KLF12: variants seen among roughly 807,000 people sequenced by gnomAD.
KLF12 encodes Krueppel-like factor 12.
In KLF12, 9 loss-of-function variants were observed where a neutral mutation model predicts 37.8. The ratio of observed to expected loss-of-function variants is 0.24; its 90% confidence interval spans 0.14 to 0.42. KLF12 has a LOEUF of 0.42. Among genes scored for constraint, KLF12 ranks in the 10% least tolerant of loss-of-function variants. The probability of loss-of-function intolerance (pLI) is 1.00; values close to 1 mark genes in which losing one functional copy is unlikely to be tolerated. For synonymous variants in KLF12, 208 were observed against 202.1 expected, an observed-to-expected ratio of 1.03 and a Z score of -0.25; for missense variants, 411 against 516.0, an observed-to-expected ratio of 0.80 and a Z score of 1.97.
intron 5 of KLF12, among the ~76,000 whole-genome samples, chr13:73,797,769 CA>C (rs34644776): frequency 0.041 from 2,923 of 71,694 alleles, 39 homozygotes; most frequent in African/African-American, 0.11. Context: ...GATCCTGTCT[CA>C]AAAAAAAAAA....
chr13:73,701,388 T>C (rs1874542437), intron 7 of KLF12, among the ~76,000 whole-genome samples: 1 of 152,228 alleles, frequency 6.6e-6, no homozygotes, highest in Non-Finnish European at 1.5e-5. Context: ...CTATTTTCTC[T>C]GGAAATAAGC....
chr13:74,255,708 G>T, the KLF12 span, among the ~76,000 whole-genome samples: 1 of 152,158 alleles, frequency 6.6e-6, no homozygotes, highest in Non-Finnish European at 1.5e-5. Flanking sequence ...AAATAAGATT[G>T]TTGTATATAG....
At chr13:73,813,324 G>A in intron 4 of KLF12, 37 bp from the exon 5 acceptor site, 4 of 1,611,332 alleles carry the variant, frequency 2.5e-6, no homozygotes, top group Non-Finnish European at 3.4e-6. Context: ...ATTAAAATCA[G>A]TGCGCAGAAA....
intron 4 of KLF12, among the ~76,000 whole-genome samples, chr13:73,840,142 C>A (rs1423047839): frequency 3.3e-5 from 5 of 152,266 alleles, no homozygotes; most frequent in African/African-American, 1.2e-4. Context: ...TCTCGGTCCT[C>A]ATTTTATTTG....
chr13:74,166,087 CTTT>C, the KLF12 span, among the ~76,000 whole-genome samples: 12,825 of 103,656 alleles, frequency 0.12, 1,821 homozygotes, highest in African/African-American at 0.39. Flanking sequence ...GCATAAACAC[CTTT>C]TTTTTTTTTT....
chr13:74,286,461 A>G, the KLF12 span, among the ~76,000 whole-genome samples: 1 of 152,234 alleles, frequency 6.6e-6, no homozygotes, highest in Non-Finnish European at 1.5e-5. Flanking sequence ...AAGCGTATTC[A>G]GGATAGACAA....
At chr13:74,072,075 T>G (rs1847167019) in intron 1 of KLF12, among the ~76,000 whole-genome samples, 1 of 152,034 alleles carries the variant, frequency 6.6e-6, no homozygotes, top group Non-Finnish European at 1.5e-5. Flanking sequence ...CCAAGTTCTC[T>G]CTACAAAAGA....
intron 1 of KLF12, among the ~76,000 whole-genome samples, chr13:74,028,053 A>G (rs903464668): frequency 3.9e-5 from 6 of 152,196 alleles, no homozygotes; most frequent in Non-Finnish European, 5.9e-5. Flanking sequence ...CCATTGCTAG[A>G]AAGTGGCAGG....
At chr13:74,253,613 T>G in the KLF12 span, among the ~76,000 whole-genome samples, 3 of 152,228 alleles carry the variant, frequency 2.0e-5, no homozygotes, top group Admixed American at 2.0e-4. Context: ...CTACTCATTT[T>G]TCAAAGAGAT....
chr13:74,106,644 A>G (rs1047396474), intron 1 of KLF12, among the ~76,000 whole-genome samples: 5 of 152,238 alleles, frequency 3.3e-5, no homozygotes, highest in African/African-American at 1.2e-4. Flanking sequence ...CCATGAATTA[A>G]TAATATTCAA....
chr13:74,221,412 C>T, the KLF12 span, among the ~76,000 whole-genome samples: 1,766 of 151,142 alleles, frequency 0.012, 41 homozygotes, highest in African/African-American at 0.041. Context: ...CTTTTGAGTC[C>T]CTTTCTCACC....
intron 3 of KLF12, among the ~76,000 whole-genome samples, chr13:73,871,822 C>T (rs933617560): frequency 2.0e-5 from 3 of 151,688 alleles, no homozygotes; most frequent in African/African-American, 7.3e-5. Flanking sequence ...AATTTTTCCA[C>T]TTCCCATGCT....
At chr13:74,111,917 G>T in intron 1 of KLF12, among the ~76,000 whole-genome samples, 1 of 152,098 alleles carries the variant, frequency 6.6e-6, no homozygotes, top group East Asian at 1.9e-4. Context: ...TTCTAAATTT[G>T]TTCAGTATTT....
At chr13:73,903,138 A>G (rs1888112257) in intron 3 of KLF12, among the ~76,000 whole-genome samples, 1 of 152,242 alleles carries the variant, frequency 6.6e-6, no homozygotes, top group South Asian at 2.1e-4. Context: ...AATATGATCT[A>G]ACAAAAGATA....
intron 1 of KLF12, among the ~76,000 whole-genome samples, chr13:74,067,495 C>T (rs978100329): frequency 2.6e-5 from 4 of 152,220 alleles, no homozygotes; most frequent in African/African-American, 9.6e-5. Flanking sequence ...AGATGTAAAA[C>T]CTGAATTACA....
intron 4 of KLF12, among the ~76,000 whole-genome samples, chr13:73,820,273 C>T (rs1335126293): frequency 6.6e-6 from 1 of 152,160 alleles, no homozygotes; most frequent in African/African-American, 2.4e-5. Context: ...TGGCTGCACA[C>T]AGAATCAGTT....
intron 7 of KLF12, among the ~76,000 whole-genome samples, chr13:73,709,773 A>C (rs1875221196): frequency 6.6e-6 from 1 of 152,188 alleles, no homozygotes; most frequent in African/African-American, 2.4e-5. Context: ...GAGGCAGAGA[A>C]ATGTGAGCTG....
intron 1 of KLF12, among the ~76,000 whole-genome samples, chr13:74,001,946 A>G (rs1892291503): frequency 6.6e-6 from 1 of 152,260 alleles, no homozygotes; most frequent in Admixed American, 6.5e-5. Context: ...CTCTTTGCAC[A>G]TCTGAGCCAA....
chr13:74,124,459 C>T (rs1877822321), intron 1 of KLF12, among the ~76,000 whole-genome samples: 1 of 152,064 alleles, frequency 6.6e-6, no homozygotes, highest in African/African-American at 2.4e-5. Context: ...TAAATATTCC[C>T]ATTATTTAAA....
Sources: allele counts gnomAD v4.1 joint callset (sites outside exome capture counted in the v4.1 genomes callset), GRCh38; gene constraint gnomAD v4.1.1; transcripts MANE v1.5; gene names NCBI Gene and HGNC (gene_info 2026-07-23, HGNC 2026-07-21).